The following CERKL variants were observed in gnomAD, a reference collection of about 807,000 sequenced individuals.
CERKL encodes CERK like autophagy regulator, also known as ceramide kinase-like protein.
CERKL carries 61 observed loss-of-function variants against 63.4 expected under a neutral mutation model. That is an observed-to-expected ratio of 0.96 (90% CI 0.78 to 1.19). The LOEUF is 1.19. Among genes scored for constraint, CERKL ranks in the 50% most tolerant of loss-of-function variants. CERKL has a pLI of 0.00. For synonymous variants in CERKL, 250 were observed against 230.5 expected (o/e 1.08, Z -0.77); for missense variants, 675 against 655.5 (o/e 1.03, Z -0.33).
chr2:181,571,348 A>T (rs1341762696), intron 3 of CERKL, among the ~76,000 whole-genome samples: 1 of 152,134 alleles, frequency 6.6e-6, no homozygotes, highest in Non-Finnish European at 1.5e-5. Context: ...TTATGTTTAA[A>T]TATGGTACTT....
In CERKL at chr2:181,656,860, C is replaced by A; in HGVS notation, c.147G>T (p.Arg49=). The stretch of plus-strand genomic sequence containing the variant: ...TGTCCCTCCCGATCTCGAAGATGCC[C>A]CGGAGCAGAATCCGCTCGGCCGCCG... The part of the protein sequence containing the change: ...TEAAAERILL[R]GIFEIGRDSC... The change falls in exon 1 of 13, where the codon CGG becomes CGT. Residue 49 remains arginine (R), a synonymous_variant. Coordinates refer to ENST00000410087, the MANE Select transcript of CERKL (RefSeq NM_201548.5). 1 of 1,604,772 alleles carries A rather than the reference C, an allele frequency of 6.2e-7. No homozygotes were observed. The highest frequency in any genetic ancestry group is 8.5e-7 in the Non-Finnish European group (1 of 1,174,066).
chr2:181,631,804 A>G (rs1001272546), intron 1 of CERKL, among the ~76,000 whole-genome samples: 2 of 152,204 alleles, frequency 1.3e-5, no homozygotes, highest in Non-Finnish European at 2.9e-5. Flanking sequence ...AAATGGGAAT[A>G]GAGTTTATTC....
At chr2:181,615,362 C>T (rs527621946) in intron 1 of CERKL, among the ~76,000 whole-genome samples, 1 of 152,200 alleles carries the variant, frequency 6.6e-6, no homozygotes, top group Admixed American at 6.5e-5. Context: ...AATAGAACAG[C>T]GAATGGCACT....
At chr2:181,544,884 T>C in intron 10 of CERKL, 88 bp from the exon 11 acceptor site, 1 of 719,446 alleles carries the variant, frequency 1.4e-6, no homozygotes, top group Admixed American at 2.6e-5. Flanking sequence ...ATAACAAGTA[T>C]ACTGTTTACT....
In CERKL at chr2:181,584,350, GA is replaced by G. The variant is rs112462086; in HGVS notation, c.482-10467del. Among the ~76,000 whole-genome samples the G allele has an allele frequency of 7.4e-3, 1,088 of 146,770 alleles. 12 individuals are homozygous for G. Among genetic ancestry groups the G allele is most frequent in the African/African-American group, 0.025 (989 of 40,314 alleles). On this transcript the variant is annotated intron_variant, in intron 2 of 12. Coordinates refer to ENST00000410087, the MANE Select transcript of CERKL (RefSeq NM_201548.5). ...AACACAGAGAGATATTGTCTCTACA[GA>G]AAAAAAAAAAGTTGGCTGGATACAG...
chr2:181,558,474 C>T lies in CERKL; in HGVS notation c.820+92G>A. ...AAGTCTGGATCTTTCAAAGTCTGTT[C>T]ATTAATTCTGTGTTGTGCTGTCTAG... On this transcript the variant is annotated intron_variant, in intron 5 of 12. Coordinates refer to ENST00000410087, the MANE Select transcript of CERKL (RefSeq NM_201548.5). This position sits in a 1 kb window ranked among gnomAD's most constrained non-coding sequence, Gnocchi z 4.2. The T allele has an allele frequency of 7.3e-7, 1 of 1,379,294 alleles. No homozygotes were observed. The highest frequency in any genetic ancestry group is 1.0e-6 in the Non-Finnish European group (1 of 977,070). The allele number at this position is 1,379,294 out of a possible 1,614,324, so 85.4% of individuals were successfully genotyped here.
chr2:181,541,003 A>C (rs1687481438), intron 11 of CERKL, among the ~76,000 whole-genome samples: 2 of 152,228 alleles, frequency 1.3e-5, no homozygotes, highest in Admixed American at 1.3e-4. Flanking sequence ...ATGGTCAAGC[A>C]ACTACACAGA....
At position 181,600,098 on chromosome 2, in the gene CERKL, C is replaced by A. The variant is rs898812110; in HGVS notation, c.481+3739G>T. On this transcript the variant is annotated intron_variant, in intron 2 of 12. Coordinates refer to ENST00000410087, the MANE Select transcript of CERKL (RefSeq NM_201548.5). ...TGCCAGCCAAGAATTTCATAATCTGCCAAATTAAGCTTCATAAATGAAGGA... is the reference window on the plus strand; with the variant it reads ...TGCCAGCCAAGAATTTCATAATCTGACAAATTAAGCTTCATAAATGAAGGA... Among the ~76,000 whole-genome samples the A allele has an allele frequency of 2.0e-5, 3 of 152,098 alleles. No individual in the cohort carries two copies. In the South Asian group the frequency reaches 6.2e-4, roughly 32 times the overall value.
intron 1 of CERKL, among the ~76,000 whole-genome samples, chr2:181,623,200 A>G (rs1337901334): frequency 1.3e-5 from 2 of 152,192 alleles, no homozygotes; most frequent in African/African-American, 4.8e-5. Flanking sequence ...TGAAATAGTG[A>G]TAATATCTTT....
In CERKL at chr2:181,592,502, A is replaced by G. The variant is rs576734564; in HGVS notation, c.481+11335T>C. 2.0e-5 allele frequency among the ~76,000 whole-genome samples: 3 copies of G among 152,312 alleles called. No homozygotes were observed. In the East Asian group the frequency reaches 5.8e-4, roughly 29 times the overall value. On this transcript the variant is annotated intron_variant, in intron 2 of 12. Transcript: ENST00000410087. ...CACTTTTTGAGTATTTATATATTTG[A>G]CGCCCAGTTACATATACAACCAAGG...
At chr2:181,627,022 A>T (rs1686736866) in intron 1 of CERKL, among the ~76,000 whole-genome samples, 1 of 152,206 alleles carries the variant, frequency 6.6e-6, no homozygotes, top group Non-Finnish European at 1.5e-5. Context: ...AGATATTTAG[A>T]GATTGTATTG....
intron 1 of CERKL, among the ~76,000 whole-genome samples, chr2:181,627,215 A>C (rs756055499): frequency 5.3e-5 from 8 of 152,316 alleles, no homozygotes; most frequent in Admixed American, 2.0e-4. Flanking sequence ...ACTAACCGTC[A>C]CGTGGACCTT....
intron 1 of CERKL, among the ~76,000 whole-genome samples, chr2:181,614,210 C>T (rs575898998): frequency 2.0e-4 from 31 of 152,262 alleles, no homozygotes; most frequent in African/African-American, 7.5e-4. Context: ...AAAAGCCCTC[C>T]AGCTAACTTC....
chr2:181,552,407 T>G (rs565660401), intron 5 of CERKL, among the ~76,000 whole-genome samples: 2 of 152,140 alleles, frequency 1.3e-5, no homozygotes, highest in Non-Finnish European at 2.9e-5. Context: ...TGAGATCTGA[T>G]GGTTTTATAA....
At chr2:181,587,841 G>T (rs1430158227) in intron 2 of CERKL, among the ~76,000 whole-genome samples, 4 of 151,956 alleles carry the variant, frequency 2.6e-5, no homozygotes, top group African/African-American at 9.7e-5. Context: ...AAGTAATTAG[G>T]TGTGGCTTTT....
Position 181,537,939 on chromosome 2 carries a change from T to C in CERKL, c.*245A>G, listed in dbSNP as rs972789905. 2.3e-5 allele frequency: 14 copies of C among 611,254 alleles called. No homozygotes were observed. Among genetic ancestry groups the C allele is most frequent in the African/African-American group, 2.2e-4 (12 of 55,118 alleles). The allele number at this position is 611,254 out of a possible 1,614,324, so 37.9% of individuals were successfully genotyped here. ...GATCAGCAGCAGCATTAGATTCTCA[T>C]AGAAGTGCGAACCATATGGTGAACT... is the stretch of plus-strand genomic sequence containing the variant. On this transcript the variant is annotated 3_prime_UTR_variant, in exon 13 of 13. Coordinates refer to ENST00000410087, the MANE Select transcript of CERKL (RefSeq NM_201548.5).
intron 2 of CERKL, among the ~76,000 whole-genome samples, chr2:181,594,829 C>G (rs1685133377): frequency 6.6e-6 from 1 of 152,138 alleles, no homozygotes; most frequent in African/African-American, 2.4e-5. Flanking sequence ...ATCCATCTAC[C>G]TGCCTCAAAC....
At chr2:181,626,414 T>C (rs1002915534) in intron 1 of CERKL, among the ~76,000 whole-genome samples, 9 of 151,742 alleles carry the variant, frequency 5.9e-5, no homozygotes, top group Admixed American at 1.3e-4. Flanking sequence ...ACAGCCGCCA[T>C]TGAGATGGTG....
intron 1 of CERKL, among the ~76,000 whole-genome samples, chr2:181,627,659 T>C (rs1686772251): frequency 6.6e-6 from 1 of 152,178 alleles, no homozygotes; most frequent in Admixed American, 6.6e-5. Flanking sequence ...TTGATGACAA[T>C]CATCTGGTTT....
Sources: gnomAD v4.1 joint callset for allele counts (sites outside exome capture counted in the v4.1 genomes callset) on GRCh38, gnomAD v4.1.1 for gene constraint, Gnocchi (gnomAD v3.1) non-coding constraint, MANE v1.5 for transcripts, NCBI Gene and HGNC (gene_info 2026-07-23, HGNC 2026-07-21) for gene names.